CAMK2B: variants seen among roughly 807,000 people sequenced by gnomAD.
CAMK2B encodes calcium/calmodulin-dependent protein kinase type II subunit beta.
Under a neutral mutation model 93.7 loss-of-function variants are expected in CAMK2B, and 27 were observed. The ratio of observed to expected loss-of-function variants is 0.29; its 90% CI spans 0.21 to 0.40. CAMK2B has a LOEUF of 0.40. CAMK2B is among the 10% of genes least tolerant of loss of function. CAMK2B has a pLI of 1.00. For missense variants in CAMK2B, 568 were observed against 895.8 expected (o/e 0.63, Z 4.67); for synonymous variants, 374 against 358.8 (o/e 1.04, Z -0.48).
At position 44,225,569 on chromosome 7, in the gene CAMK2B, C is replaced by T. The variant is rs1156487968; in HGVS notation, c.1597+947G>A. 2.6e-5 allele frequency among the ~76,000 whole-genome samples: 4 copies of T among 152,140 alleles called. No homozygotes were observed. The highest frequency in any genetic ancestry group is 2.6e-4 in the Admixed American group (4 of 15,286). On this transcript the variant is annotated intron_variant, in intron 20 of 23. Coordinates refer to ENST00000395749, the MANE Select transcript of CAMK2B (RefSeq NM_001220.5). The surrounding 1 kb of genome is among the most constrained non-coding windows in gnomAD (Gnocchi z 5.0). Reference sequence around the variant, plus strand: ...GTGAGTACCCCTCCAGGGGCTGCCCCCTGCTCTCTCGGGCACCCAGGGTGG... The same window carrying T: ...GTGAGTACCCCTCCAGGGGCTGCCCTCTGCTCTCTCGGGCACCCAGGGTGG...
At chr7:44,272,995 C>T (rs1235199061) in intron 2 of CAMK2B, among the ~76,000 whole-genome samples, 1 of 152,226 alleles carries the variant, frequency 6.6e-6, no homozygotes, top group African/African-American at 2.4e-5. Flanking sequence ...ACATTACGTG[C>T]TACCTTGACA....
At chr7:44,278,611 A>G (rs956326107) in intron 2 of CAMK2B, among the ~76,000 whole-genome samples, 6 of 152,344 alleles carry the variant, frequency 3.9e-5, no homozygotes, top group African/African-American at 1.4e-4. Context: ...GAGCACCCAG[A>G]CTGAGATGGG....
At position 44,273,681 on chromosome 7, in the gene CAMK2B, C is replaced by T. The variant is rs543332868; in HGVS notation, c.160+10450G>A. On this transcript the variant is annotated intron_variant, in intron 2 of 23. Transcript: ENST00000395749. ...CCAGCCCCTGGGGGTGCAGGACCCACCCTGTCAGGGTCCTACTCTCAAAAA... is the reference window on the plus strand; with the variant it reads ...CCAGCCCCTGGGGGTGCAGGACCCATCCTGTCAGGGTCCTACTCTCAAAAA... Among the ~76,000 whole-genome samples the T allele has an allele frequency of 3.9e-5, 6 of 152,334 alleles. No individual in the cohort carries two copies. In the South Asian group the frequency reaches 1.2e-3, roughly 32 times the overall value.
At chr7:44,276,012 C>T (rs531051954) in intron 2 of CAMK2B, among the ~76,000 whole-genome samples, 49 of 152,238 alleles carry the variant, frequency 3.2e-4, no homozygotes, top group African/African-American at 1.1e-3. Flanking sequence ...CGGTGGGGGT[C>T]CAAGCTCTAA....
At position 44,234,439 on chromosome 7, in the gene CAMK2B, T is replaced by C. The variant is rs771385014; in HGVS notation, c.1082A>G (p.Asn361Ser). 5.8e-6 allele frequency: 9 copies of C among 1,554,628 alleles called. No homozygotes were observed. Among genetic ancestry groups the C allele is most frequent in the South Asian group, 3.7e-5 (3 of 82,116 alleles). Residue 361 changes from asparagine (N) to serine (S), a missense_variant, in exon 15 of 24, where the codon AAC (asparagine) becomes AGC (serine). Coordinates refer to ENST00000395749, the MANE Select transcript of CAMK2B (RefSeq NM_001220.5). ...TTTGGGGCTGGTGGCGGCTGCACTGTTTTTGGTGCTATTCGTCTGGGGCTG... is the reference window on the plus strand; with the variant it reads ...TTTGGGGCTGGTGGCGGCTGCACTGCTTTTGGTGCTATTCGTCTGGGGCTG... The part of the protein sequence containing the change: ...GVKPQTNSTK[N>S]SAAATSPKGT...
intron 2 of CAMK2B, among the ~76,000 whole-genome samples, chr7:44,277,344 AT>A (rs541389198): frequency 2.7e-4 from 41 of 152,216 alleles, no homozygotes; most frequent in Non-Finnish European, 4.7e-4. Context: ...ACAATCCTCC[AT>A]TTAATTAAGT....
chr7:44,257,248 G>C (rs1279177777), intron 4 of CAMK2B, among the ~76,000 whole-genome samples: 1 of 152,136 alleles, frequency 6.6e-6, no homozygotes, highest in Non-Finnish European at 1.5e-5. Context: ...GCCCTCTGCT[G>C]GCCTGGAGGC....
chr7:44,290,664 T>C (rs143128100), intron 1 of CAMK2B, among the ~76,000 whole-genome samples: 1 of 152,326 alleles, frequency 6.6e-6, no homozygotes, highest in African/African-American at 2.4e-5. Context: ...AAAAACACAG[T>C]TCCCAACTTT....
rs1785261291 is a variant in CAMK2B, at chr7:44,286,824, G to A, written c.66-2599C>T. Among the ~76,000 whole-genome samples the A allele has an allele frequency of 6.6e-6, 1 of 152,208 alleles. No individual in the cohort carries two copies. Among genetic ancestry groups the A allele is most frequent in the South Asian group, 2.1e-4 (1 of 4,832 alleles). Reference sequence around the variant, plus strand: ...GGGGCCAAGGCCAGGCAGCGCCGCTGAGGAAGGAGGAAGGCATGGCTGGGG... The same window carrying A: ...GGGGCCAAGGCCAGGCAGCGCCGCTAAGGAAGGAGGAAGGCATGGCTGGGG... On this transcript the variant is annotated intron_variant, in intron 1 of 23. Coordinates refer to ENST00000395749, the MANE Select transcript of CAMK2B (RefSeq NM_001220.5). The surrounding 1 kb of genome is among the most constrained non-coding windows in gnomAD (Gnocchi z 4.0).
chr7:44,261,914 A>G (rs2129035969), intron 3 of CAMK2B, among the ~76,000 whole-genome samples: 1 of 152,290 alleles, frequency 6.6e-6, no homozygotes, highest in East Asian at 1.9e-4. Flanking sequence ...GCAGCGGCAA[A>G]TCTCGTCAGG....
intron 5 of CAMK2B, among the ~76,000 whole-genome samples, chr7:44,253,402 G>A (rs1413499021): frequency 6.6e-6 from 1 of 151,934 alleles, no homozygotes; most frequent in Non-Finnish European, 1.5e-5. Context: ...TAGTAGAGAC[G>A]GGGTTTCTCC....
chr7:44,230,595 ACACT>A (rs1276733079), intron 17 of CAMK2B, among the ~76,000 whole-genome samples: 19 of 152,334 alleles, frequency 1.2e-4, no homozygotes, highest in Non-Finnish European at 2.9e-5. Context: ...AAACACGGAA[ACACT>A]CACCCAGCTG....
chr7:44,297,345 G>A (rs978512468), intron 1 of CAMK2B, among the ~76,000 whole-genome samples: 2 of 151,924 alleles, frequency 1.3e-5, no homozygotes, highest in African/African-American at 2.4e-5. Context: ...AATGCTAAGA[G>A]AAGCAAGAAA....
rs908268080 is a variant in CAMK2B, at chr7:44,231,376, G to A, written c.1177-322C>T. Among the ~76,000 whole-genome samples the A allele has an allele frequency of 3.3e-5, 5 of 152,316 alleles. No homozygotes were observed. In the East Asian group the frequency reaches 5.8e-4, roughly 18 times the overall value. On this transcript the variant is annotated intron_variant, in intron 16 of 23. Transcript: ENST00000395749. ...ACAGGCTGGCACGGAGTCCGAGGCC[G>A]GCCCTGCCACCCTAGTGCTGTGGCC...
intron 2 of CAMK2B, among the ~76,000 whole-genome samples, chr7:44,283,657 G>A (rs1050083436): frequency 2.6e-5 from 4 of 152,216 alleles, no homozygotes; most frequent in South Asian, 2.1e-4. Context: ...ATGGCCAACC[G>A]CAGCACTGCC....
At position 44,240,884 on chromosome 7, in the gene CAMK2B, C is replaced by CAG; in HGVS notation, c.904-137_904-136dup. On this transcript the variant is annotated intron_variant, in intron 11 of 23. Coordinates refer to ENST00000395749, the MANE Select transcript of CAMK2B (RefSeq NM_001220.5). ...TGAGGCTGACATGACCTCAGCCTTC[C>CAG]AGAGAGGCAAGAGCTCCAGGAAGCC... 5 of 886,984 alleles carry CAG rather than the reference C, an allele frequency of 5.6e-6. No individual in the cohort carries two copies. The South Asian group carries it at 7.9e-5, about 14-fold the overall frequency. 54.9% of individuals were successfully genotyped at this position (886,984 alleles called of 1,614,324 possible).
chr7:44,257,225 A>C (rs1414334124), intron 4 of CAMK2B, among the ~76,000 whole-genome samples: 1 of 152,022 alleles, frequency 6.6e-6, no homozygotes, highest in Non-Finnish European at 1.5e-5. Flanking sequence ...CAACTCCAGA[A>C]ACTGCTGTCC....
At chr7:44,285,991 T>C (rs963615574) in intron 1 of CAMK2B, among the ~76,000 whole-genome samples, 9 of 152,058 alleles carry the variant, frequency 5.9e-5, no homozygotes, top group African/African-American at 2.2e-4. Context: ...TAAAGAAAAA[T>C]ATAAAGAAAG....
intron 4 of CAMK2B, among the ~76,000 whole-genome samples, chr7:44,256,181 C>T (rs1165667970): frequency 2.6e-5 from 4 of 152,240 alleles, no homozygotes; most frequent in African/African-American, 7.2e-5. Context: ...ACCACCACAC[C>T]GACCACAAGG....
Sources: allele counts gnomAD v4.1 joint callset (sites outside exome capture counted in the v4.1 genomes callset), GRCh38; gene constraint gnomAD v4.1.1; non-coding constraint Gnocchi (gnomAD v3.1); transcripts MANE v1.5; gene names NCBI Gene and HGNC (gene_info 2026-07-23, HGNC 2026-07-21).